Variants in SLCO1B1 observed in about 807,000 individuals in gnomAD.
SLCO1B1 encodes the protein solute carrier organic anion transporter family member 1B1, also known as OATP-2.
A neutral mutation model predicts 70.1 loss-of-function variants in SLCO1B1; 81 were observed. That is an observed-to-expected ratio of 1.16 (90% CI 0.97 to 1.39). SLCO1B1 has a LOEUF of 1.39. Among genes scored for constraint, SLCO1B1 ranks in the 40% most tolerant of loss-of-function variants. SLCO1B1 has a pLI of 0.00. For missense variants in SLCO1B1, 895 were observed against 799.6 expected (o/e 1.12, Z -1.44); for synonymous variants, 283 against 271.5 (o/e 1.04, Z -0.42).
rs564992820 is a variant in SLCO1B1 at position 21,210,421 on chromosome 12, C to T, written c.1497+4388C>T. ...TCTGTTCTGTTCCATTGATCTATAT[C>T]TCTGTTTTGGTACCAGTACCATGCT... On this transcript the variant is annotated intron_variant, in intron 11 of 14. Transcript: ENST00000256958. Among the ~76,000 whole-genome samples, 15 of 112,962 alleles carry T rather than the reference C, an allele frequency of 1.3e-4. 1 individual carries two copies. In the South Asian group the frequency reaches 4.2e-3, roughly 31 times the overall value. 74.1% of individuals were successfully genotyped at this position (112,962 alleles called of 152,430 possible).
chr12:21,226,286 C>T (rs1941481650), intron 14 of SLCO1B1, among the ~76,000 whole-genome samples: 1 of 151,756 alleles, frequency 6.6e-6, no homozygotes, highest in Non-Finnish European at 1.5e-5. Context: ...CGGTGGTGCA[C>T]ATCTGTAATT....
chr12:21,192,840 A>AT (rs1379839920), intron 7 of SLCO1B1, among the ~76,000 whole-genome samples: 1 of 151,996 alleles, frequency 6.6e-6, no homozygotes, highest in African/African-American at 2.4e-5. Context: ...AAATGTAGAT[A>AT]TTTTTTACTG....
At position 21,197,051 on chromosome 12, in the gene SLCO1B1, T is replaced by A; in HGVS notation, c.833T>A (p.Phe278Tyr). 6.2e-7 allele frequency: 1 copy of A among 1,613,772 alleles called. No homozygotes were observed. Residue 278 changes from phenylalanine to tyrosine, a missense_variant, in exon 8 of 15, where the codon TTC (phenylalanine) becomes TAC (tyrosine). Coordinates refer to ENST00000256958, the MANE Select transcript of SLCO1B1 (RefSeq NM_006446.5). ...FSIISSIPFF[F>Y]LPQTPNKPQK... ...ATTATTTCTTCCATACCATTCTTTTTCTTGCCCCAAACTCCAAATAAACCA... is the reference window on the plus strand; with the variant it reads ...ATTATTTCTTCCATACCATTCTTTTACTTGCCCCAAACTCCAAATAAACCA...
intron 7 of SLCO1B1, among the ~76,000 whole-genome samples, chr12:21,182,155 G>T (rs1940907760): frequency 6.6e-6 from 1 of 152,162 alleles, no homozygotes; most frequent in South Asian, 2.1e-4. Flanking sequence ...GAAACCCAGT[G>T]CAGGGTTGTT....
intron 7 of SLCO1B1, among the ~76,000 whole-genome samples, chr12:21,188,648 C>A (rs866073147): frequency 6.6e-6 from 1 of 152,152 alleles, no homozygotes; most frequent in South Asian, 2.1e-4. Flanking sequence ...TCTCATGATA[C>A]TGAGTGAATT....
At chr12:21,190,021 CAG>C (rs1941011009) in intron 7 of SLCO1B1, among the ~76,000 whole-genome samples, 1 of 152,032 alleles carries the variant, frequency 6.6e-6, no homozygotes, top group Non-Finnish European at 1.5e-5. Flanking sequence ...GGAGATCAGT[CAG>C]AGTGGTGGAA....
At chr12:21,141,939 A>G (rs1940315291) in intron 2 of SLCO1B1, among the ~76,000 whole-genome samples, 1 of 151,784 alleles carries the variant, frequency 6.6e-6, no homozygotes. Context: ...ATCACGACAT[A>G]TTTAGGAATG....
In SLCO1B1 at chr12:21,205,120, A is replaced by T. The variant is rs138743952; in HGVS notation, c.1332-748A>T. 5.1e-3 allele frequency among the ~76,000 whole-genome samples: 769 copies of T among 152,136 alleles called. 4 individuals are homozygous for T. The highest frequency in any genetic ancestry group is 8.3e-3 in the Admixed American group (127 of 15,224). On this transcript the variant is annotated intron_variant, in intron 10 of 14. Coordinates refer to ENST00000256958, the MANE Select transcript of SLCO1B1 (RefSeq NM_006446.5). The stretch of plus-strand genomic sequence containing the variant: ...AATTATGTGCTCATTCAAAGATAAC[A>T]CATCAATCCTCAATTATTATCAAAT...
chr12:21,190,254 G>C (rs1194670478), intron 7 of SLCO1B1, among the ~76,000 whole-genome samples: 3 of 152,216 alleles, frequency 2.0e-5, no homozygotes, highest in Non-Finnish European at 4.4e-5. Context: ...CAGTAAGGGG[G>C]AACAATAATG....
chr12:21,225,134 CTTTT>C (rs1941469957), intron 14 of SLCO1B1, among the ~76,000 whole-genome samples: 1 of 151,942 alleles, frequency 6.6e-6, no homozygotes, highest in South Asian at 2.1e-4. Flanking sequence ...GTATGTGAAT[CTTTT>C]TTGTTTCCAA....
chr12:21,233,278 G>A (rs1941560778), intron 14 of SLCO1B1, among the ~76,000 whole-genome samples: 1 of 152,056 alleles, frequency 6.6e-6, no homozygotes, highest in Non-Finnish European at 1.5e-5. Flanking sequence ...AATAATGAGG[G>A]TTTTCTGAGT....
At chr12:21,217,496 C>T (rs1476052927) in intron 12 of SLCO1B1, among the ~76,000 whole-genome samples, 193 bp downstream of exon 12, 2 of 152,022 alleles carry the variant, frequency 1.3e-5, no homozygotes, top group Non-Finnish European at 1.5e-5. Context: ...CTAATTCTTC[C>T]ATTAAAAGTC....
intron 2 of SLCO1B1, among the ~76,000 whole-genome samples, chr12:21,154,629 C>A (rs1404784079): frequency 6.6e-6 from 1 of 152,010 alleles, no homozygotes; most frequent in Non-Finnish European, 1.5e-5. Flanking sequence ...AAATTCTAGA[C>A]ACTATGACTA....
chr12:21,226,067 A>G (rs1349581930), intron 14 of SLCO1B1, among the ~76,000 whole-genome samples: 1 of 152,238 alleles, frequency 6.6e-6, no homozygotes, highest in Non-Finnish European at 1.5e-5. Flanking sequence ...ATCAACTCAC[A>G]AAAAGACAAG....
rs1429583395 is a variant in SLCO1B1 at position 21,202,655 on chromosome 12, T to G, written c.1300T>G (p.Ser434Ala). The change falls in exon 10 of 15, where the codon TCA (serine) becomes GCA (alanine). Residue 434 changes from serine (S) to alanine (A), a missense_variant. By Grantham distance (99) the Ser-to-Ala change is moderately conservative. Transcript: ENST00000256958. The part of the protein sequence containing the change: ...LYFFILCENK[S>A]VAGLTMTYDG... Reference sequence around the variant, plus strand: ...TTTTTTCATACTCTGTGAAAACAAATCAGTTGCCGGACTAACCATGACCTA... The same window carrying G: ...TTTTTTCATACTCTGTGAAAACAAAGCAGTTGCCGGACTAACCATGACCTA... 6.2e-7 allele frequency: 1 copy of G among 1,612,558 alleles called. No homozygotes were observed. The highest frequency in any genetic ancestry group is 2.2e-5 in the East Asian group (1 of 44,752).
At chr12:21,165,252 T>TTGATGATTG (rs1400152328) in intron 2 of SLCO1B1, among the ~76,000 whole-genome samples, 2 of 152,164 alleles carry the variant, frequency 1.3e-5, no homozygotes, top group African/African-American at 4.8e-5. Context: ...CACATTTTAT[T>TTGATGATTG]TGATGATTGT....
At chr12:21,199,887 C>T (rs909596613) in intron 8 of SLCO1B1, among the ~76,000 whole-genome samples, 2 of 151,858 alleles carry the variant, frequency 1.3e-5, no homozygotes, top group African/African-American at 4.8e-5. Context: ...CTGCAACCTT[C>T]GCCTCCCTAA....
chr12:21,219,439 T>C (rs1941397546), intron 12 of SLCO1B1, among the ~76,000 whole-genome samples: 2 of 152,146 alleles, frequency 1.3e-5, no homozygotes, highest in Admixed American at 6.6e-5. Context: ...AGGTGACAAG[T>C]GCAGCAAGAG....
chr12:21,213,885 G>A (rs1032397941), intron 11 of SLCO1B1, among the ~76,000 whole-genome samples: 6 of 149,440 alleles, frequency 4.0e-5, no homozygotes, highest in Non-Finnish European at 7.4e-5. Flanking sequence ...CATTCTCCAC[G>A]TAGTTCTCGA....
Sources: allele counts gnomAD v4.1 joint callset (sites outside exome capture counted in the v4.1 genomes callset), GRCh38; gene constraint gnomAD v4.1.1; transcripts MANE v1.5; gene names NCBI Gene and HGNC (gene_info 2026-07-23, HGNC 2026-07-21).